KCNIP1: variants seen among roughly 807,000 people sequenced by gnomAD.
KCNIP1 encodes potassium voltage-gated channel interacting protein 1.
KCNIP1 carries 18 observed loss-of-function variants against 33.0 expected under a neutral mutation model. That is an observed-to-expected ratio of 0.55 (90% confidence interval 0.38 to 0.81). The LOEUF (loss-of-function observed/expected upper bound fraction) is 0.81. Among genes scored for constraint, KCNIP1 ranks in the 30% least tolerant of loss-of-function variants. KCNIP1 has a pLI of 0.00. For missense variants in KCNIP1, 238 were observed against 271.6 expected (o/e 0.88, Z 0.87); for synonymous variants, 93 against 98.3 (o/e 0.95, Z 0.32).
chr5:170,523,683 C>T (rs1381654461), intron 1 of KCNIP1, among the ~76,000 whole-genome samples: 1 of 152,156 alleles, frequency 6.6e-6, no homozygotes, highest in Non-Finnish European at 1.5e-5. Context: ...GACAATCCAC[C>T]CCTGCCCATT....
At position 170,480,884 on chromosome 5, in the gene KCNIP1, A is replaced by G. The variant is rs951938009; in HGVS notation, c.88+126920A>G. ...ATTTTTTTCCAGGACTATTAGTTGT[A>G]TTCAAAATTCACTCTTTCCTTCTTA... On this transcript the variant is annotated intron_variant, in intron 1 of 7. Transcript: ENST00000377360. Among the ~76,000 whole-genome samples, 11 of 152,132 alleles carry G rather than the reference A, an allele frequency of 7.2e-5. No individual in the cohort carries two copies. In the East Asian group the frequency reaches 9.6e-4, roughly 13 times the overall value.
intron 2 of KCNIP1, 107 bp downstream of exon 2, chr5:170,718,989 A>G: frequency 7.1e-7 from 1 of 1,414,876 alleles, no homozygotes; most frequent in Non-Finnish European, 9.5e-7. Flanking sequence ...GTGAGGCTGT[A>G]CAAGGAAGGC....
intron 1 of KCNIP1, among the ~76,000 whole-genome samples, chr5:170,445,044 C>G (rs1383816319): frequency 6.6e-6 from 1 of 152,170 alleles, no homozygotes; most frequent in African/African-American, 2.4e-5. Context: ...TTTTTCAATT[C>G]AGCAAGTATT....
intron 1 of KCNIP1, among the ~76,000 whole-genome samples, chr5:170,409,116 T>C (rs955172787): frequency 6.6e-6 from 1 of 152,122 alleles, no homozygotes; most frequent in African/African-American, 2.4e-5. Flanking sequence ...TGATTACTGA[T>C]GCACCCGAGC....
intron 1 of KCNIP1, among the ~76,000 whole-genome samples, chr5:170,581,562 G>T (rs980651044): frequency 6.6e-6 from 1 of 152,236 alleles, no homozygotes; most frequent in Non-Finnish European, 1.5e-5. Context: ...AGGTGGGGAA[G>T]TGACAACCTG....
At chr5:170,473,290 G>A (rs1255378853) in intron 1 of KCNIP1, among the ~76,000 whole-genome samples, 4 of 152,208 alleles carry the variant, frequency 2.6e-5, no homozygotes, top group Non-Finnish European at 5.9e-5. Context: ...TGCCAAGGAT[G>A]TCATGTTGTC....
chr5:170,514,462 TG>T (rs1343177169), intron 1 of KCNIP1, among the ~76,000 whole-genome samples: 8 of 152,168 alleles, frequency 5.3e-5, no homozygotes, highest in Non-Finnish European at 1.0e-4. Flanking sequence ...CATCCAGCCC[TG>T]GGCTGATTAG....
chr5:170,445,379 G>C lies in KCNIP1; in HGVS notation c.88+91415G>C, dbSNP rs199708335. The stretch of plus-strand genomic sequence containing the variant: ...TATCAGGCCAACTGGAAAAGCAGAG[G>C]GCAAGCCAAGAGAAGACTTGGACAG... On this transcript the variant is annotated intron_variant, in intron 1 of 7. Coordinates refer to the KCNIP1 transcript ENST00000377360. Among the ~76,000 whole-genome samples, 3 of 152,286 alleles carry C rather than the reference G, an allele frequency of 2.0e-5. No homozygotes were observed. The East Asian group carries it at 5.8e-4, about 29-fold the overall frequency.
chr5:170,517,650 G>T (rs540332417), intron 1 of KCNIP1, among the ~76,000 whole-genome samples: 1 of 149,662 alleles, frequency 6.7e-6, no homozygotes, highest in African/African-American at 2.4e-5. Context: ...GTATGACAGC[G>T]ATGGTGGTAT....
intron 1 of KCNIP1, among the ~76,000 whole-genome samples, chr5:170,667,935 A>G (rs112410014): frequency 0.025 from 3,749 of 152,310 alleles, 83 homozygotes; most frequent in Non-Finnish European, 0.036. Context: ...TGGCTCATGT[A>G]ACTGAACTTC....
chr5:170,708,242 G>T (rs1763325712), intron 1 of KCNIP1, among the ~76,000 whole-genome samples: 2 of 152,178 alleles, frequency 1.3e-5, no homozygotes, highest in South Asian at 4.1e-4. Context: ...AAAAGATGAT[G>T]TTAAACTCAT....
At chr5:170,414,368 TAAAC>T (rs1755273052) in intron 1 of KCNIP1, among the ~76,000 whole-genome samples, 1 of 152,232 alleles carries the variant, frequency 6.6e-6, no homozygotes, top group Non-Finnish European at 1.5e-5. Context: ...AGTAGAGATG[TAAAC>T]AGACTGTAGC....
chr5:170,701,516 C>G (rs866652255), intron 1 of KCNIP1, among the ~76,000 whole-genome samples: 35 of 152,314 alleles, frequency 2.3e-4, no homozygotes, highest in African/African-American at 8.4e-4. Context: ...TATTCACAAA[C>G]TAACTCAGCT....
At chr5:170,666,799 C>T (rs1761719015) in intron 1 of KCNIP1, among the ~76,000 whole-genome samples, 1 of 152,190 alleles carries the variant, frequency 6.6e-6, no homozygotes, top group South Asian at 2.1e-4. Context: ...AGGTGGTCTG[C>T]TCGCTGGGCC....
In KCNIP1 at chr5:170,517,778, G is replaced by GAA. The variant is rs1164226684; in HGVS notation, c.61+13145_61+13146insAA. On this transcript the variant is annotated intron_variant, in intron 1 of 7. Transcript: ENST00000328939. ...TGGTAATGATGGTAGTGATGGTGGT[G>GAA]GTGGTAGTGATGATGGTGAAGTGAT... Among the ~76,000 whole-genome samples the GAA allele has an allele frequency of 8.4e-4, 124 of 147,684 alleles. 3 individuals carry two copies. The highest frequency in any genetic ancestry group is 3.0e-3 in the African/African-American group (118 of 39,274).
chr5:170,665,095 C>G (rs2113756984), intron 1 of KCNIP1, among the ~76,000 whole-genome samples: 1 of 152,252 alleles, frequency 6.6e-6, no homozygotes, highest in East Asian at 1.9e-4. Context: ...CCCCCAGAAG[C>G]CTTTTCTGCA....
chr5:170,649,058 A>G (rs911215010), intron 1 of KCNIP1, among the ~76,000 whole-genome samples: 4 of 152,220 alleles, frequency 2.6e-5, no homozygotes, highest in Non-Finnish European at 5.9e-5. Context: ...TTACTGATGG[A>G]AAAGAAAATT....
intron 1 of KCNIP1, among the ~76,000 whole-genome samples, chr5:170,417,260 G>A (rs1755355150): frequency 6.6e-6 from 1 of 152,098 alleles, no homozygotes; most frequent in African/African-American, 2.4e-5. Context: ...CTGAGGACTG[G>A]GATTTCTATT....
At chr5:170,387,508 G>C (rs1362000809) in intron 1 of KCNIP1, among the ~76,000 whole-genome samples, 1 of 152,154 alleles carries the variant, frequency 6.6e-6, no homozygotes, top group Admixed American at 6.6e-5. Context: ...CAGTGAGCTG[G>C]TCCACCTCCC....
Sources: gnomAD v4.1 joint callset for allele counts (sites outside exome capture counted in the v4.1 genomes callset) on GRCh38, gnomAD v4.1.1 for gene constraint, MANE v1.5 for transcripts, NCBI Gene and HGNC (gene_info 2026-07-23, HGNC 2026-07-21) for gene names.